Variants in RYR2 observed in about 807,000 individuals in gnomAD.
The protein encoded by RYR2 is cardiac muscle ryanodine receptor-calcium release channel.
RYR2 carries 227 observed loss-of-function variants against 601.1 expected under a neutral mutation model. The observed-to-expected ratio is 0.38, with a 90% CI of 0.34 to 0.42. The LOEUF (loss-of-function observed/expected upper bound fraction) is 0.42. Among genes scored for constraint, RYR2 ranks in the 10% least tolerant of loss-of-function variants. The pLI is 1.00. For missense variants in RYR2, 4,646 were observed against 6,156.5 expected, an observed-to-expected ratio of 0.75 and a Z score of 8.21; for synonymous variants, 2,223 against 2,175.1, an observed-to-expected ratio of 1.02 and a Z score of -0.61.
At chr1:237,151,988 C>T (rs547862293) in intron 1 of RYR2, among the ~76,000 whole-genome samples, 3 of 152,186 alleles carry the variant, frequency 2.0e-5, no homozygotes, top group Non-Finnish European at 2.9e-5. Context: ...TAGCTATTTG[C>T]CCTGATGCTC....
intron 41 of RYR2, among the ~76,000 whole-genome samples, chr1:237,630,486 T>A (rs1234860536): frequency 6.6e-6 from 1 of 152,172 alleles, no homozygotes; most frequent in East Asian, 1.9e-4. Context: ...TATCCCACTT[T>A]CTTGATATAG....
intron 1 of RYR2, among the ~76,000 whole-genome samples, chr1:237,217,604 T>A (rs560829442): frequency 1.3e-5 from 2 of 152,190 alleles, no homozygotes; most frequent in Non-Finnish European, 2.9e-5. Context: ...CCAAGCAGTG[T>A]CTGGTACATG....
intron 4 of RYR2, among the ~76,000 whole-genome samples, chr1:237,362,952 C>A (rs1303846282): frequency 6.6e-6 from 1 of 152,080 alleles, no homozygotes; most frequent in Non-Finnish European, 1.5e-5. Flanking sequence ...GAATAGCAGA[C>A]CTCGGTCACT....
At chr1:237,688,572 T>C (rs1419092928) in intron 63 of RYR2, among the ~76,000 whole-genome samples, 1 of 152,190 alleles carries the variant, frequency 6.6e-6, no homozygotes, top group Non-Finnish European at 1.5e-5. Flanking sequence ...TGAAAATTTA[T>C]ATTTCATTAA....
chr1:237,370,362 TG>T (rs1435696236), intron 6 of RYR2, among the ~76,000 whole-genome samples: 1 of 152,036 alleles, frequency 6.6e-6, no homozygotes, highest in African/African-American at 2.4e-5. Flanking sequence ...ACATATTTTT[TG>T]TATGTATTAT....
At chr1:237,733,296 GT>G (rs1236334238) in intron 78 of RYR2, among the ~76,000 whole-genome samples, 1 of 152,068 alleles carries the variant, frequency 6.6e-6, no homozygotes, top group African/African-American at 2.4e-5. Context: ...TGGCCATCTT[GT>G]TTTTTAATTG....
At chr1:237,647,342 G>A (rs147206533) in intron 48 of RYR2, among the ~76,000 whole-genome samples, 7 of 152,304 alleles carry the variant, frequency 4.6e-5, no homozygotes, top group African/African-American at 1.7e-4. Flanking sequence ...TGGGAATTGT[G>A]TAAGATCGTG....
At chr1:237,306,881 G>T (rs536848649) in intron 2 of RYR2, among the ~76,000 whole-genome samples, 1 of 152,066 alleles carries the variant, frequency 6.6e-6, no homozygotes, top group Non-Finnish European at 1.5e-5. Context: ...TCAGTTCATC[G>T]TTTCTACTGT....
At chr1:237,343,397 T>C (rs956796972) in intron 3 of RYR2, among the ~76,000 whole-genome samples, 2 of 152,200 alleles carry the variant, frequency 1.3e-5, no homozygotes, top group Admixed American at 6.5e-5. Context: ...TCTATTGATA[T>C]ATGATGAGTA....
chr1:237,794,280 G>C (rs1227441334), intron 95 of RYR2, among the ~76,000 whole-genome samples: 5 of 152,024 alleles, frequency 3.3e-5, no homozygotes, highest in Non-Finnish European at 7.4e-5. Context: ...AGGGATGTGT[G>C]TAGCAGGAAG....
chr1:237,756,117 AAC>A (rs1692932935), intron 80 of RYR2, among the ~76,000 whole-genome samples, 169 bp from the exon 81 acceptor site: 1 of 150,274 alleles, frequency 6.7e-6, no homozygotes, highest in Non-Finnish European at 1.5e-5. Context: ...GGGAAAAAAA[AAC>A]AATAGTTGAA....
At chr1:237,235,585 TG>T (rs1685475856) in intron 1 of RYR2, among the ~76,000 whole-genome samples, 1 of 152,216 alleles carries the variant, frequency 6.6e-6, no homozygotes, top group South Asian at 2.1e-4. Context: ...AACTGCTTTT[TG>T]TCTGGTTTTC....
chr1:237,155,640 A>G (rs1675243382), intron 1 of RYR2, among the ~76,000 whole-genome samples: 1 of 152,188 alleles, frequency 6.6e-6, no homozygotes, highest in Non-Finnish European at 1.5e-5. Flanking sequence ...ATGTTCTTAC[A>G]GTTTGTTTCT....
At chr1:237,604,707 C>G (rs1389592437) in intron 35 of RYR2, among the ~76,000 whole-genome samples, 6 of 152,026 alleles carry the variant, frequency 3.9e-5, no homozygotes, top group African/African-American at 1.5e-4. Context: ...AGAGAAGAAT[C>G]AAATAGATGC....
chr1:237,200,822 G>C (rs1681110711), intron 1 of RYR2, among the ~76,000 whole-genome samples: 1 of 152,084 alleles, frequency 6.6e-6, no homozygotes, highest in African/African-American at 2.4e-5. Flanking sequence ...TGGTTTAAAG[G>C]AACCTCAAAT....
At chr1:237,537,186 C>CT (rs1165653041) in intron 25 of RYR2, among the ~76,000 whole-genome samples, 1 of 152,132 alleles carries the variant, frequency 6.6e-6, no homozygotes, top group Non-Finnish European at 1.5e-5. Flanking sequence ...CAGAAATAAA[C>CT]TTTAGAGATA....
At chr1:237,474,211 G>GTGTGTGTGTT (rs1467971155) in intron 17 of RYR2, among the ~76,000 whole-genome samples, 1 of 111,862 alleles carries the variant, frequency 8.9e-6, no homozygotes, top group African/African-American at 2.6e-5. Flanking sequence ...ATGTGTGTGT[G>GTGTGTGTGTT]TGTGTGTGTA....
At chr1:237,442,283 T>A (rs1393510925) in intron 13 of RYR2, among the ~76,000 whole-genome samples, 2 of 152,236 alleles carry the variant, frequency 1.3e-5, no homozygotes, top group Non-Finnish European at 2.9e-5. Context: ...GTTCTTCTAC[T>A]AGATTTAGCA....
At chr1:237,198,508 C>T (rs1054632717) in intron 1 of RYR2, among the ~76,000 whole-genome samples, 3 of 146,710 alleles carry the variant, frequency 2.0e-5, no homozygotes, top group Non-Finnish European at 4.5e-5. Flanking sequence ...CTAGTTTGTA[C>T]CTCTTTAGCA....
Sources: gnomAD v4.1 joint callset for allele counts (sites outside exome capture counted in the v4.1 genomes callset) on GRCh38, gnomAD v4.1.1 for gene constraint, MANE v1.5 for transcripts, NCBI Gene and HGNC (gene_info 2026-07-23, HGNC 2026-07-21) for gene names.